SIL1: variants seen among roughly 807,000 people sequenced by gnomAD.
The protein encoded by SIL1 is SIL1 nucleotide exchange factor.
Under a neutral mutation model 49.1 loss-of-function variants are expected in SIL1, and 40 were observed. The observed-to-expected ratio is 0.81, with a 90% confidence interval of 0.63 to 1.06. The LOEUF is 1.06. Ranked by LOEUF, SIL1 falls within the 50% of genes least tolerant of loss-of-function variation. The pLI, the probability that SIL1 is intolerant of heterozygous loss-of-function variation, is 0.00. For missense variants in SIL1, 500 were observed against 572.6 expected, an observed-to-expected ratio of 0.87 and a Z score of 1.29; for synonymous variants, 253 against 250.8, an observed-to-expected ratio of 1.01 and a Z score of -0.08.
intron 7 of SIL1, among the ~76,000 whole-genome samples, chr5:138,980,298 T>A (rs72788898): frequency 0.017 from 2,604 of 152,312 alleles, 41 homozygotes; most frequent in Middle Eastern, 0.044. Context: ...TCAAAGCACC[T>A]CAGGGATCCT....
At chr5:138,980,197 A>C (rs1172061847) in intron 7 of SIL1, among the ~76,000 whole-genome samples, 2 of 152,232 alleles carry the variant, frequency 1.3e-5, no homozygotes, top group Non-Finnish European at 2.9e-5. Flanking sequence ...TTGTTTCCAC[A>C]TTTTGCCTAT....
intron 7 of SIL1, among the ~76,000 whole-genome samples, chr5:139,018,891 A>G (rs1016551821): frequency 6.6e-6 from 1 of 152,156 alleles, no homozygotes; most frequent in Non-Finnish European, 1.5e-5. Flanking sequence ...TAACGTAAGA[A>G]AAAGGTGAGG....
At chr5:139,075,786 T>G (rs1031101217) in intron 3 of SIL1, among the ~76,000 whole-genome samples, 42 of 152,260 alleles carry the variant, frequency 2.8e-4, no homozygotes, top group African/African-American at 8.9e-4. Context: ...AATCTCCTTT[T>G]GGAGGCTGTG....
At chr5:139,156,976 G>A (rs1171290171) in intron 1 of SIL1, among the ~76,000 whole-genome samples, 1 of 152,170 alleles carries the variant, frequency 6.6e-6, no homozygotes, top group East Asian at 1.9e-4. Context: ...TGAGCCCTGT[G>A]CCTTGCTCCT....
chr5:138,984,234 T>C (rs932537544), intron 7 of SIL1, among the ~76,000 whole-genome samples: 1 of 151,846 alleles, frequency 6.6e-6, no homozygotes, highest in South Asian at 2.1e-4. Flanking sequence ...CAGGCTCAAG[T>C]ACAAAAGAGG....
At chr5:139,059,072 AC>A (rs1769525767) in intron 3 of SIL1, among the ~76,000 whole-genome samples, 1 of 152,084 alleles carries the variant, frequency 6.6e-6, no homozygotes, top group Non-Finnish European at 1.5e-5. Flanking sequence ...ATGTATATGT[AC>A]ACACACACAT....
intron 1 of SIL1, among the ~76,000 whole-genome samples, chr5:139,150,418 C>A (rs1343738400): frequency 6.6e-6 from 1 of 152,162 alleles, no homozygotes; most frequent in Non-Finnish European, 1.5e-5. Flanking sequence ...ATCCCCTACT[C>A]AGCCATCATC....
rs112623002 is a variant in SIL1 at position 139,142,090 on chromosome 5, C to T, written c.-10-14237G>A. ...CAGAATGGCTGGCTGCCCAGACAGG[C>T]GGCCAAGATGGAAGTGTCAAAACAA... On this transcript the variant is annotated intron_variant, in intron 1 of 9. Coordinates refer to ENST00000394817, the MANE Select transcript of SIL1 (RefSeq NM_022464.5). Among the ~76,000 whole-genome samples, 1,060 of 152,278 alleles carry T rather than the reference C, an allele frequency of 7.0e-3. 8 individuals carry two copies. The highest frequency in any genetic ancestry group is 0.024 in the African/African-American group (1,014 of 41,556).
chr5:138,951,382 C>T lies in SIL1; in HGVS notation c.865-47G>A, dbSNP rs369281003. The T allele has an allele frequency of 4.7e-5, 72 of 1,545,686 alleles. No homozygotes were observed. In the African/African-American group the frequency reaches 8.1e-4, roughly 17 times the overall value. ...TAGGTGAGGGGCCAAGCGAGCTGGA[C>T]CTGCCCTGAGGCCCAGGGAAGGCAG... On this transcript the variant is annotated intron_variant, in intron 8 of 9. Transcript: ENST00000394817.
chr5:139,095,552 T>C (rs1477938940), intron 3 of SIL1, among the ~76,000 whole-genome samples: 2 of 152,226 alleles, frequency 1.3e-5, no homozygotes, highest in Admixed American at 6.5e-5. Flanking sequence ...ATAAGCCACA[T>C]GCCCAGCCCT....
chr5:139,119,094 AG>A (rs1009628862), intron 3 of SIL1, among the ~76,000 whole-genome samples: 5 of 152,342 alleles, frequency 3.3e-5, no homozygotes, highest in African/African-American at 1.2e-4. Context: ...AGAGTTTACC[AG>A]GGACTCTTGA....
chr5:139,170,396 G>C (rs1440168192), intron 1 of SIL1, among the ~76,000 whole-genome samples: 1 of 150,922 alleles, frequency 6.6e-6, no homozygotes, highest in Non-Finnish European at 1.5e-5. Flanking sequence ...GTCTCTGCCC[G>C]GCCGCCATCC....
chr5:139,173,338 T>G (rs1191452291), intron 1 of SIL1, among the ~76,000 whole-genome samples: 1 of 151,072 alleles, frequency 6.6e-6, no homozygotes, highest in Non-Finnish European at 1.5e-5. Flanking sequence ...TCACTTGAGG[T>G]CAGGAGTTTG....
At chr5:138,987,119 T>TATTTTATTTG (rs1320034681) in intron 7 of SIL1, among the ~76,000 whole-genome samples, 1 of 150,418 alleles carries the variant, frequency 6.6e-6, no homozygotes, top group East Asian at 1.9e-4. Context: ...TATTTTATTT[T>TATTTTATTTG]ATTTTATTTT....
chr5:139,197,256 G>A (rs1349533326), intron 1 of SIL1, among the ~76,000 whole-genome samples: 2 of 80,956 alleles, frequency 2.5e-5, no homozygotes, highest in Non-Finnish European at 4.4e-5. Context: ...AAACAAGAGC[G>A]AAACTCCGCC....
chr5:139,051,605 C>T lies in SIL1; in HGVS notation c.245-559G>A, dbSNP rs1263159669. On this transcript the variant is annotated intron_variant, in intron 3 of 9. Transcript: ENST00000394817. ...CTGTATTTCCTCCTTTTTGATTTCC[C>T]AGCCCTTAGGCCAGGGCTTGGCACA... is the stretch of plus-strand genomic sequence containing the variant. 2.0e-5 allele frequency among the ~76,000 whole-genome samples: 3 copies of T among 152,278 alleles called. No individual in the cohort carries two copies. The East Asian group carries it at 5.8e-4, about 29-fold the overall frequency.
chr5:139,125,811 CT>C (rs1750740366), intron 2 of SIL1, among the ~76,000 whole-genome samples: 1 of 152,168 alleles, frequency 6.6e-6, no homozygotes, highest in South Asian at 2.1e-4. Flanking sequence ...TGTTTACCAC[CT>C]TTTTCAAGGC....
chr5:139,126,961 G>A (rs992706116), intron 2 of SIL1, among the ~76,000 whole-genome samples: 2 of 152,230 alleles, frequency 1.3e-5, no homozygotes, highest in Admixed American at 6.5e-5. Flanking sequence ...AGCTTATCAA[G>A]GGAGAGGAGA....
chr5:139,053,054 G>C (rs1324624867), intron 3 of SIL1, among the ~76,000 whole-genome samples: 1 of 152,162 alleles, frequency 6.6e-6, no homozygotes, highest in Non-Finnish European at 1.5e-5. Context: ...CTATTACTAT[G>C]ATCACAGGGC....
Sources: gnomAD v4.1 joint callset for allele counts (sites outside exome capture counted in the v4.1 genomes callset) on GRCh38, gnomAD v4.1.1 for gene constraint, MANE v1.5 for transcripts, NCBI Gene and HGNC (gene_info 2026-07-23, HGNC 2026-07-21) for gene names.